The following NALF1 variants were observed in gnomAD, a reference collection of about 807,000 sequenced individuals.
The protein encoded by NALF1 is family with sequence similarity 155 member A.
In NALF1, 3 loss-of-function variants were observed where a neutral mutation model predicts 48.4. The observed-to-expected ratio is 0.06, with a 90% CI of 0.03 to 0.16. The LOEUF is 0.16. NALF1 is among the 10% of genes least tolerant of loss of function. The probability of loss-of-function intolerance (pLI) is 1.00; values close to 1 mark genes in which losing one functional copy is unlikely to be tolerated. For missense variants in NALF1, 526 were observed against 571.5 expected (o/e 0.92, Z 0.81); for synonymous variants, 262 against 245.7 (o/e 1.07, Z -0.62).
At chr13:107,520,352 T>C (rs1349096646) in intron 1 of NALF1, among the ~76,000 whole-genome samples, 1 of 152,210 alleles carries the variant, frequency 6.6e-6, no homozygotes, top group East Asian at 1.9e-4. Flanking sequence ...GCAACTTACA[T>C]TCCTTCACTC....
intron 1 of NALF1, among the ~76,000 whole-genome samples, chr13:107,351,991 G>T (rs1882885284): frequency 6.6e-6 from 1 of 152,192 alleles, no homozygotes; most frequent in Admixed American, 6.5e-5. Flanking sequence ...TATAAGAAGA[G>T]CTATGAATAT....
At chr13:107,400,050 T>G (rs534616920) in intron 1 of NALF1, among the ~76,000 whole-genome samples, 1 of 152,164 alleles carries the variant, frequency 6.6e-6, no homozygotes, top group East Asian at 1.9e-4. Context: ...TTGTCTTCCA[T>G]GACATTAACT....
chr13:107,168,699 TAAC>T lies in NALF1; in HGVS notation c.*1795_*1797del, dbSNP rs770624895. ...TACCTTTATTATTTTTGAATATTCTTAACAGACTGGAACGAAACATTTTTTTTC... is the reference window on the plus strand; with the variant it reads ...TACCTTTATTATTTTTGAATATTCTTAGACTGGAACGAAACATTTTTTTTC... On this transcript the variant is annotated 3_prime_UTR_variant, in exon 3 of 3. Coordinates refer to ENST00000375915, the MANE Select transcript of NALF1 (RefSeq NM_001080396.3). The T allele has an allele frequency of 5.2e-5, 8 of 152,642 alleles. No individual in the cohort carries two copies. Among genetic ancestry groups the T allele is most frequent in the South Asian group, 2.1e-4 (1 of 4,824 alleles). 9.5% of individuals were successfully genotyped at this position (152,642 alleles called of 1,614,324 possible). A position where few individuals can be genotyped will look rare whatever the true frequency, so the allele number is the denominator to read the frequency against.
At chr13:107,202,191 T>G (rs1023567350) in intron 2 of NALF1, among the ~76,000 whole-genome samples, 6 of 152,122 alleles carry the variant, frequency 3.9e-5, no homozygotes, top group Non-Finnish European at 7.4e-5. Context: ...TTTTTTAATT[T>G]GGAATTAACT....
At chr13:107,847,200 T>G (rs569063677) in intron 1 of NALF1, among the ~76,000 whole-genome samples, 2 of 152,232 alleles carry the variant, frequency 1.3e-5, no homozygotes, top group Non-Finnish European at 2.9e-5. Flanking sequence ...TATTTGCATT[T>G]AATAATGGGT....
chr13:107,642,885 C>T (rs1309252934), intron 1 of NALF1, among the ~76,000 whole-genome samples: 1 of 152,190 alleles, frequency 6.6e-6, no homozygotes, highest in Non-Finnish European at 1.5e-5. Flanking sequence ...GTGTTCTGCT[C>T]TTAAATTGGC....
At chr13:107,396,807 C>T (rs1476483680) in intron 1 of NALF1, among the ~76,000 whole-genome samples, 1 of 152,228 alleles carries the variant, frequency 6.6e-6, no homozygotes, top group African/African-American at 2.4e-5. Context: ...TCAACTCTCA[C>T]ATCAGGAGCT....
chr13:107,608,468 C>A (rs771930999), intron 1 of NALF1, among the ~76,000 whole-genome samples: 17 of 152,074 alleles, frequency 1.1e-4, no homozygotes, highest in Non-Finnish European at 1.9e-4. Flanking sequence ...GTTTTTAAGC[C>A]ATTAGGTTCT....
intron 1 of NALF1, among the ~76,000 whole-genome samples, chr13:107,365,911 T>C (rs911015198): frequency 1.3e-5 from 2 of 152,222 alleles, no homozygotes; most frequent in Non-Finnish European, 2.9e-5. Flanking sequence ...CCTTGCTGTT[T>C]TAGGTTAGAA....
At chr13:107,833,202 A>G (rs1879792991) in intron 1 of NALF1, among the ~76,000 whole-genome samples, 3 of 152,140 alleles carry the variant, frequency 2.0e-5, no homozygotes, top group Admixed American at 2.0e-4. Flanking sequence ...AATAATTTGA[A>G]CTGCTTCCGG....
chr13:107,178,693 C>T (rs999633030), intron 2 of NALF1, among the ~76,000 whole-genome samples: 3 of 152,142 alleles, frequency 2.0e-5, no homozygotes, highest in Non-Finnish European at 4.4e-5. Flanking sequence ...CACCTAATCC[C>T]AGCACTTTGG....
chr13:107,847,891 TAAC>T (rs1880213186), intron 1 of NALF1, among the ~76,000 whole-genome samples: 1 of 152,180 alleles, frequency 6.6e-6, no homozygotes, highest in Non-Finnish European at 1.5e-5. Flanking sequence ...CAGCAATAGA[TAAC>T]TAATGAAATT....
At chr13:107,499,975 A>T (rs978363878) in intron 1 of NALF1, among the ~76,000 whole-genome samples, 7 of 152,206 alleles carry the variant, frequency 4.6e-5, no homozygotes, top group African/African-American at 1.7e-4. Context: ...AACGTCAGAT[A>T]TAAAAGTAGC....
At chr13:107,611,229 C>T (rs1456413654) in intron 1 of NALF1, among the ~76,000 whole-genome samples, 5 of 152,178 alleles carry the variant, frequency 3.3e-5, no homozygotes, top group South Asian at 2.1e-4. Flanking sequence ...GAGCTTGAAA[C>T]GGAGTCCTCT....
intron 1 of NALF1, among the ~76,000 whole-genome samples, chr13:107,783,503 T>C (rs1253262942): frequency 6.6e-6 from 1 of 152,170 alleles, no homozygotes; most frequent in Non-Finnish European, 1.5e-5. Flanking sequence ...AGACTTTTCA[T>C]TTTGTTCTGT....
intron 1 of NALF1, among the ~76,000 whole-genome samples, chr13:107,430,710 T>C (rs916844248): frequency 1.3e-5 from 2 of 152,202 alleles, no homozygotes; most frequent in Non-Finnish European, 2.9e-5. Flanking sequence ...TGTTGGACAT[T>C]TGGGTTGGTT....
chr13:107,855,977 T>C (rs1261964321), intron 1 of NALF1, among the ~76,000 whole-genome samples: 4 of 150,746 alleles, frequency 2.7e-5, no homozygotes, highest in Non-Finnish European at 5.9e-5. Context: ...GCACGAATAC[T>C]GCTCATTGGA....
intron 1 of NALF1, among the ~76,000 whole-genome samples, chr13:107,801,921 G>A (rs918305531): frequency 2.0e-5 from 3 of 151,998 alleles, no homozygotes; most frequent in Non-Finnish European, 2.9e-5. Flanking sequence ...CACATTTCAC[G>A]GTCTAAATTC....
At chr13:107,839,357 C>T (rs1049941977) in intron 1 of NALF1, among the ~76,000 whole-genome samples, 14 of 147,840 alleles carry the variant, frequency 9.5e-5, no homozygotes, top group African/African-American at 3.5e-4. Flanking sequence ...ATCCCAGTTT[C>T]CTCATCTAGT....
Sources: gnomAD v4.1 joint callset for allele counts (sites outside exome capture counted in the v4.1 genomes callset) on GRCh38, gnomAD v4.1.1 for gene constraint, MANE v1.5 for transcripts, NCBI Gene and HGNC (gene_info 2026-07-23, HGNC 2026-07-21) for gene names.